Variants in GNPTAB observed in about 807,000 individuals in gnomAD.
GNPTAB encodes N-acetylglucosamine-1-phosphotransferase subunits alpha/beta.
In GNPTAB, 92 loss-of-function variants were observed where a neutral mutation model predicts 136.6. That is an observed-to-expected ratio of 0.67 (90% CI 0.57 to 0.80). The LOEUF is 0.80. Among genes scored for constraint, GNPTAB ranks in the 30% least tolerant of loss-of-function variants. The pLI, the probability that GNPTAB is intolerant of heterozygous loss-of-function variation, is 0.00. For synonymous variants in GNPTAB, 512 were observed against 535.1 expected (o/e 0.96, Z 0.60); for missense variants, 1,343 against 1,501.8 (o/e 0.89, Z 1.75).
Position 101,792,389 on chromosome 12 carries a change from A to G in GNPTAB, c.204-2332T>C, listed in dbSNP as rs75925344. Among the ~76,000 whole-genome samples, 1,443 of 152,246 alleles carry G rather than the reference A, an allele frequency of 9.5e-3. 28 individuals are homozygous for G. Among genetic ancestry groups the G allele is most frequent in the African/African-American group, 0.033 (1,364 of 41,522 alleles). ...AGCTTCATCTGGAAAATAAGGAATC[A>G]CCTTATTCTCTGGCATATGTGATAG... On this transcript the variant is annotated intron_variant, in intron 2 of 20. Coordinates refer to ENST00000299314, the MANE Select transcript of GNPTAB (RefSeq NM_024312.5).
At position 101,757,318 on chromosome 12, in the gene GNPTAB, T is replaced by C. The variant is rs1171322895; in HGVS notation, c.3336-8A>G. Reference sequence around the variant, plus strand: ...TCTCCCATGATTTCAAACCTAATTATCAAAACATATTTGAAGAGTTTAAAT... The same window carrying C: ...TCTCCCATGATTTCAAACCTAATTACCAAAACATATTTGAAGAGTTTAAAT... On this transcript the variant is annotated splice_region_variant and splice_polypyrimidine_tract_variant and intron_variant, in intron 17 of 20. Transcript: ENST00000299314. 1 of 1,463,266 alleles carries C rather than the reference T, an allele frequency of 6.8e-7. No individual in the cohort carries two copies. The highest frequency in any genetic ancestry group is 1.7e-5 in the Admixed American group (1 of 59,534). 90.6% of individuals were successfully genotyped at this position (1,463,266 alleles called of 1,614,324 possible). A position where few individuals can be genotyped will look rare whatever the true frequency, so the allele number is the denominator to read the frequency against.
At chr12:101,811,029 G>A (rs1286452339) in intron 1 of GNPTAB, among the ~76,000 whole-genome samples, 7 of 152,208 alleles carry the variant, frequency 4.6e-5, no homozygotes, top group Admixed American at 4.6e-4. Context: ...GGATCTCTCA[G>A]CCTCTACCTT....
In GNPTAB at chr12:101,764,703, TG is replaced by T. The variant is rs1437468801; in HGVS notation, c.2213del (p.Ser738TyrfsTer3). On this transcript the variant is annotated frameshift_variant, in exon 13 of 21. Transcript: ENST00000299314. LOFTEE classifies it high-confidence loss of function. ...YNLSKSALLR[S>X]FLMNSQHAKI... ...TAGCATGCTGTGAGTTCATCAGAAATGATCTCAGCAAGGCTGACTTGGACAA... is the reference window on the plus strand; with the variant it reads ...TAGCATGCTGTGAGTTCATCAGAAATATCTCAGCAAGGCTGACTTGGACAA... 6.2e-7 allele frequency: 1 copy of T among 1,613,092 alleles called. No individual in the cohort carries two copies. The highest frequency in any genetic ancestry group is 1.3e-5 in the African/African-American group (1 of 74,960).
In GNPTAB at chr12:101,757,223, T is replaced by A; in HGVS notation, c.3423A>T (p.Arg1141Ser). 1 of 1,577,638 alleles carries A rather than the reference T, an allele frequency of 6.3e-7. No homozygotes were observed. Among genetic ancestry groups the A allele is most frequent in the Non-Finnish European group, 8.7e-7 (1 of 1,147,550 alleles). Residue 1141 changes from arginine to serine, a missense_variant, in exon 18 of 21, where the codon AGA (arginine) becomes AGT (serine). Physicochemically the swap from Arg to Ser is moderately radical, Grantham distance 110 (BLOSUM62 -1). Coordinates refer to ENST00000299314, the MANE Select transcript of GNPTAB (RefSeq NM_024312.5). The part of the protein sequence containing the change: ...SHVVGQLDDI[R>S]KNPRKFVCLN... ...ATAAAAATCAGTACCTAGGGTTTTTTCTTATGTCATCCAACTGGCCAACCA... is the reference window on the plus strand; with the variant it reads ...ATAAAAATCAGTACCTAGGGTTTTTACTTATGTCATCCAACTGGCCAACCA...
At chr12:101,794,563 T>C (rs1482501695) in intron 2 of GNPTAB, among the ~76,000 whole-genome samples, 1 of 152,166 alleles carries the variant, frequency 6.6e-6, no homozygotes, top group African/African-American at 2.4e-5. Context: ...TGTTATGGTA[T>C]CTTAAAATAT....
chr12:101,811,659 G>T (rs1436185737), intron 1 of GNPTAB, among the ~76,000 whole-genome samples: 10 of 145,474 alleles, frequency 6.9e-5, no homozygotes, highest in African/African-American at 2.0e-4. Context: ...TTTTTTTTGA[G>T]ATGGAGTCTC....
At chr12:101,786,580 T>C (rs1219886053) in intron 4 of GNPTAB, among the ~76,000 whole-genome samples, 1 of 152,188 alleles carries the variant, frequency 6.6e-6, no homozygotes, top group African/African-American at 2.4e-5. Context: ...AGATTCTGGT[T>C]AATAGAGTGT....
chr12:101,817,815 A>T (rs1230101702), intron 1 of GNPTAB, among the ~76,000 whole-genome samples: 1 of 152,142 alleles, frequency 6.6e-6, no homozygotes, highest in Non-Finnish European at 1.5e-5. Context: ...ATATCAAAAA[A>T]GCTTGTGGAT....
chr12:101,772,289 GTCT>G (rs1223077842), intron 7 of GNPTAB, among the ~76,000 whole-genome samples: 9 of 152,220 alleles, frequency 5.9e-5, no homozygotes, highest in African/African-American at 1.9e-4. Context: ...AGAGCTTACG[GTCT>G]TCTTTCTCAA....
intron 7 of GNPTAB, chr12:101,773,387 A>G: frequency 3.4e-6 from 1 of 290,048 alleles, no homozygotes; most frequent in African/African-American, 2.2e-5. Context: ...CATTTTCACG[A>G]AGTCCCGAAG....
intron 5 of GNPTAB, among the ~76,000 whole-genome samples, chr12:101,784,946 C>T (rs1868548646): frequency 6.6e-6 from 1 of 152,190 alleles, no homozygotes; most frequent in Non-Finnish European, 1.5e-5. Flanking sequence ...AGGTTATGGG[C>T]TCAGCAGTAC....
intron 3 of GNPTAB, 120 bp from the exon 4 acceptor site, chr12:101,788,709 G>C (rs1280658908): frequency 1.5e-6 from 1 of 682,730 alleles, no homozygotes; most frequent in African/African-American, 1.8e-5. Context: ...ATGGTACCAG[G>C]CTGTCAGCCA....
intron 11 of GNPTAB, chr12:101,767,806 T>TG: frequency 1.6e-6 from 1 of 624,308 alleles, no homozygotes; most frequent in East Asian, 2.7e-5. Flanking sequence ...TTGATAGAGA[T>TG]GGGGTCTTAC....
chr12:101,765,620 C>G, intron 12 of GNPTAB: 1 of 380,100 alleles, frequency 2.6e-6, no homozygotes, highest in Non-Finnish European at 4.9e-6. Context: ...ACAATAATTA[C>G]CATGAAATAG....
intron 18 of GNPTAB, chr12:101,756,552 C>T (rs886915154): frequency 3.1e-6 from 1 of 327,288 alleles, no homozygotes; most frequent in Non-Finnish European, 6.1e-6. Context: ...CCAGCTTGGA[C>T]AACAGAGTGA....
At chr12:101,776,387 G>C (rs1953263157) in intron 7 of GNPTAB, among the ~76,000 whole-genome samples, 1 of 152,166 alleles carries the variant, frequency 6.6e-6, no homozygotes, top group East Asian at 1.9e-4. Flanking sequence ...AGATAAATTA[G>C]AGAGTAATTA....
At chr12:101,756,899 A>G (rs113120648) in intron 18 of GNPTAB, 2,665 of 255,506 alleles carry the variant, frequency 0.01, 62 homozygotes, top group African/African-American at 0.056. Context: ...GAAATGCCAT[A>G]ATTCTAAAAA....
At chr12:101,781,428 G>A (rs1297725957) in intron 5 of GNPTAB, among the ~76,000 whole-genome samples, 1 of 152,176 alleles carries the variant, frequency 6.6e-6, no homozygotes, top group African/African-American at 2.4e-5. Flanking sequence ...CACTTTGGGA[G>A]GCTGAGGCAG....
intron 19 of GNPTAB, among the ~76,000 whole-genome samples, chr12:101,750,607 A>G (rs1488787585): frequency 1.3e-5 from 2 of 152,198 alleles, no homozygotes; most frequent in Admixed American, 6.5e-5. Flanking sequence ...AAATTTAGTC[A>G]CAAATTGAAT....
Sources: gnomAD v4.1 joint callset for allele counts (sites outside exome capture counted in the v4.1 genomes callset) on GRCh38, gnomAD v4.1.1 for gene constraint, MANE v1.5 for transcripts, NCBI Gene and HGNC (gene_info 2026-07-23, HGNC 2026-07-21) for gene names.